The following CNOT3 variants were observed in gnomAD, a reference collection of about 807,000 sequenced individuals.
CNOT3 encodes the protein CCR4-NOT transcription complex subunit 3.
In CNOT3, 2 loss-of-function variants were observed where a neutral mutation model predicts 89.4. That is an observed-to-expected ratio of 0.02 (90% confidence interval 0.01 to 0.07). The LOEUF is 0.07. Among genes scored for constraint, CNOT3 ranks in the 10% least tolerant of loss-of-function variants. The probability of loss-of-function intolerance (pLI) is 1.00; values close to 1 mark genes in which losing one functional copy is unlikely to be tolerated. For synonymous variants in CNOT3, 486 were observed against 402.0 expected (o/e 1.21, Z -2.50); for missense variants, 664 against 1,010.2 (o/e 0.66, Z 4.65).
At chr19:54,153,588 G>T in intron 16 of CNOT3, 127 bp from the exon 17 acceptor site, 1 of 796,310 alleles carries the variant, frequency 1.3e-6, no homozygotes, top group Non-Finnish European at 2.3e-6. Context: ...TCTCCAAGAG[G>T]ATTGTCCAGC....
At chr19:54,154,265 G>C in intron 17 of CNOT3, 1 of 345,202 alleles carries the variant, frequency 2.9e-6, no homozygotes, top group Non-Finnish European at 5.7e-6. Flanking sequence ...GCTCAGTGCG[G>C]AAACTATTTT....
At chr19:54,149,870 C>A in intron 13 of CNOT3, 112 bp downstream of exon 13, 1 of 1,106,120 alleles carries the variant, frequency 9.0e-7, no homozygotes, top group Non-Finnish European at 1.3e-6. Flanking sequence ...CTCTCTCTGG[C>A]TTTCTGTCCC....
chr19:54,145,709 G>A lies in CNOT3; in HGVS notation c.595G>A (p.Ala199Thr), dbSNP rs2074636948. 3.7e-6 allele frequency: 6 copies of A among 1,612,792 alleles called. No individual in the cohort carries two copies. Among genetic ancestry groups the A allele is most frequent in the African/African-American group, 1.3e-5 (1 of 75,018 alleles). Residue 199 changes from alanine (A) to threonine (T), a missense_variant, in exon 8 of 18, where the codon GCC becomes ACC. Coordinates refer to ENST00000221232, the MANE Select transcript of CNOT3 (RefSeq NM_014516.4). The surrounding 1 kb of genome is among the most constrained non-coding windows in gnomAD (Gnocchi z 5.9). ...GGACAATGACTCCATCCTCGTTGAC[G>A]CCATCCGCAAGATCAAGGACGACGT... ...MLDNDSILVD[A>T]IRKIKDDVEY...
intron 9 of CNOT3, among the ~76,000 whole-genome samples, chr19:54,146,256 A>G (rs1359217621): frequency 6.6e-6 from 1 of 152,178 alleles, no homozygotes; most frequent in Admixed American, 6.5e-5. Context: ...GCGCCAGTTT[A>G]GGTCCTGGAT....
rs1447982879 is a variant in CNOT3 at position 54,150,982 on chromosome 19, G to A, written c.1605+1224G>A. On this transcript the variant is annotated intron_variant, in intron 13 of 17. Transcript: ENST00000221232. ...ATTTTTATATTTTTAATAGAGATGGGGTTTTGCCATGTTGGTCAGGCAGGT... is the reference window on the plus strand; with the variant it reads ...ATTTTTATATTTTTAATAGAGATGGAGTTTTGCCATGTTGGTCAGGCAGGT... Among the ~76,000 whole-genome samples, 7 of 151,920 alleles carry A rather than the reference G, an allele frequency of 4.6e-5. 1 individual carries two copies. The highest frequency in any genetic ancestry group is 4.6e-4 in the Admixed American group (7 of 15,242).
chr19:54,154,089 C>T (rs1264918741), intron 17 of CNOT3: 8 of 691,024 alleles, frequency 1.2e-5, no homozygotes, highest in Non-Finnish European at 2.2e-5. Flanking sequence ...AGAAACCTTC[C>T]TGGAGCCACC....
chr19:54,148,864 A>G lies in CNOT3; in HGVS notation c.1406+121A>G, dbSNP rs2074864990. 3 of 819,960 alleles carry G rather than the reference A, an allele frequency of 3.7e-6. No individual in the cohort carries two copies. The highest frequency in any genetic ancestry group is 5.7e-5 in the Admixed American group (2 of 34,930). The allele number at this position is 819,960 out of a possible 1,614,324, so 50.8% of individuals were successfully genotyped here. The stretch of plus-strand genomic sequence containing the variant: ...CCGCCCTTGCTGCTGGGAATGGCCA[A>G]GCGCTATCCTCCATCTCCCTCGGGT... On this transcript the variant is annotated intron_variant, in intron 12 of 17. Coordinates refer to ENST00000221232, the MANE Select transcript of CNOT3 (RefSeq NM_014516.4). The surrounding 1 kb of genome is among the most constrained non-coding windows in gnomAD (Gnocchi z 6.3).
chr19:54,139,276 G>A (rs2074352070), intron 1 of CNOT3, among the ~76,000 whole-genome samples: 2 of 151,992 alleles, frequency 1.3e-5, no homozygotes, highest in South Asian at 4.1e-4. Context: ...CCTCCTTTAG[G>A]GTGTCAGCTC....
At position 54,149,480 on chromosome 19, in the gene CNOT3, C is replaced by T. The variant is rs2074924255; in HGVS notation, c.1407-80C>T. ...TCCCATCTGATCTGTGCAGTCTCCC[C>T]TCTCTCCAGCCAGGCCTCTCTGCCC... is the stretch of plus-strand genomic sequence containing the variant. On this transcript the variant is annotated intron_variant, in intron 12 of 17. Transcript: ENST00000221232. 3 of 851,492 alleles carry T rather than the reference C, an allele frequency of 3.5e-6. No individual in the cohort carries two copies. In the African/African-American group the frequency reaches 5.1e-5, roughly 15 times the overall value. 52.7% of individuals were successfully genotyped at this position (851,492 alleles called of 1,614,324 possible). A position where few individuals can be genotyped will look rare whatever the true frequency, so the allele number is the denominator to read the frequency against.
At chr19:54,141,907 C>T (rs2074464453) in intron 1 of CNOT3, 1 of 152,228 alleles carries the variant, frequency 6.6e-6, no homozygotes, top group Non-Finnish European at 1.5e-5. Context: ...CTCCCCTGGT[C>T]TCGCTGTCAG....
At chr19:54,140,246 C>G (rs1160681477) in intron 1 of CNOT3, among the ~76,000 whole-genome samples, 1 of 152,114 alleles carries the variant, frequency 6.6e-6, no homozygotes, top group Admixed American at 6.5e-5. Context: ...TCCTGCTCAC[C>G]TCCCCCCACC....
chr19:54,152,906 C>T lies in CNOT3; in HGVS notation c.1944C>T (p.Tyr648=), dbSNP rs2075205290. The T allele has an allele frequency of 1.3e-6, 2 of 1,586,404 alleles. No individual in the cohort carries two copies. The highest frequency in any genetic ancestry group is 1.8e-5 in the Admixed American group (1 of 56,626). ...LPRNPCPTPP[Y]HHQMPPPHSD... ...GGAACCCCTGTCCGACGCCCCCCTA[C>T]CACCACCAGATGCCACCCCCACACT... Residue 648 remains tyrosine, a synonymous_variant, in exon 16 of 18, where the codon TAC becomes TAT. Coordinates refer to ENST00000221232, the MANE Select transcript of CNOT3 (RefSeq NM_014516.4).
rs1468323163 is a variant in CNOT3, at chr19:54,155,095, G to GC, written c.2164-209dup. Reference sequence around the variant, plus strand: ...AGCTGGCTTCGGTGGAACCTCTGCGGCCCCCTCCGTTTCCTCCTCGCTGAA... The same window carrying GC: ...AGCTGGCTTCGGTGGAACCTCTGCGGCCCCCCTCCGTTTCCTCCTCGCTGAA... On this transcript the variant is annotated intron_variant, in intron 17 of 17. Coordinates refer to ENST00000221232, the MANE Select transcript of CNOT3 (RefSeq NM_014516.4). 1.8e-4 allele frequency: 106 copies of GC among 589,238 alleles called. No individual in the cohort carries two copies. The African/African-American group carries it at 1.9e-3, about 10-fold the overall frequency. The allele number at this position is 589,238 out of a possible 1,614,324, so 36.5% of individuals were successfully genotyped here.
In CNOT3 at chr19:54,145,952, T is replaced by C. The variant is rs1156363832; in HGVS notation, c.746T>C (p.Met249Thr). The C allele has an allele frequency of 6.2e-7, 1 of 1,613,720 alleles. No individual in the cohort carries two copies. Among genetic ancestry groups the C allele is most frequent in the Non-Finnish European group, 8.5e-7 (1 of 1,179,898 alleles). Reference sequence around the variant, plus strand: ...ACCTCCCCCCCCAGCCACAGCCACATGGAGGATGAGATCTTCAACCAGTCC... The same window carrying C: ...ACCTCCCCCCCCAGCCACAGCCACACGGAGGATGAGATCTTCAACCAGTCC... The part of the protein sequence containing the change: ...VATSPPSHSH[M>T]EDEIFNQSSS... The change falls in exon 9 of 18, where the codon ATG becomes ACG. Residue 249 changes from methionine (M) to threonine (T), a missense_variant. Coordinates refer to ENST00000221232, the MANE Select transcript of CNOT3 (RefSeq NM_014516.4). This position sits in a 1 kb window ranked among gnomAD's most constrained non-coding sequence, Gnocchi z 5.9.
intron 1 of CNOT3, chr19:54,142,646 G>C: frequency 1.9e-6 from 1 of 536,666 alleles, no homozygotes; most frequent in Non-Finnish European, 3.4e-6. Flanking sequence ...CTGGGGAGAA[G>C]GTACTCCATG....
At position 54,153,131 on chromosome 19, in the gene CNOT3, A is replaced by G. The variant is rs779555040; in HGVS notation, c.2037+132A>G. 9 of 774,244 alleles carry G rather than the reference A, an allele frequency of 1.2e-5. No homozygotes were observed. The South Asian group carries it at 1.3e-4, about 11-fold the overall frequency. The allele number at this position is 774,244 out of a possible 1,614,324, so 48.0% of individuals were successfully genotyped here. A position where few individuals can be genotyped will look rare whatever the true frequency, so the allele number is the denominator to read the frequency against. On this transcript the variant is annotated intron_variant, in intron 16 of 17. Transcript: ENST00000221232. ...GGGACCGCACCCCCTCCCTATTCCC[A>G]CTCCTGGGCCCCTGCCCCAAATCCA...
intron 2 of CNOT3, 23 bp downstream of exon 2, chr19:54,143,026 C>T: frequency 1.2e-6 from 2 of 1,613,892 alleles, no homozygotes; most frequent in Non-Finnish European, 1.7e-6. Flanking sequence ...CTTCCTGCTG[C>T]ACCTGTAGCC....
Position 54,152,274 on chromosome 19 carries a change from A to G in CNOT3, c.1654A>G (p.Ile552Val), listed in dbSNP as rs762040124. The G allele has an allele frequency of 3.7e-6, 6 of 1,614,144 alleles. No individual in the cohort carries two copies. In the South Asian group the frequency reaches 5.5e-5, roughly 15 times the overall value. The change falls in exon 14 of 18, where the codon ATC becomes GTC. Residue 552 changes from isoleucine (I) to valine (V), a missense_variant. Ile to Val is a conservative substitution (Grantham distance 29). Coordinates refer to ENST00000221232, the MANE Select transcript of CNOT3 (RefSeq NM_014516.4). ...SLKSMAERAA[I>V]SSGIEDPVPT... The stretch of plus-strand genomic sequence containing the variant: ...GAAGTCCATGGCGGAACGGGCAGCC[A>G]TCAGCTCTGGCATTGAGGACCCTGT...
intron 17 of CNOT3, chr19:54,154,980 C>CT: frequency 7.7e-6 from 3 of 387,768 alleles, no homozygotes; most frequent in Non-Finnish European, 1.4e-5. Flanking sequence ...GCTGTGCATC[C>CT]TGTACTCACG....
Sources: allele counts gnomAD v4.1 joint callset (sites outside exome capture counted in the v4.1 genomes callset), GRCh38; gene constraint gnomAD v4.1.1; non-coding constraint Gnocchi (gnomAD v3.1); transcripts MANE v1.5; gene names NCBI Gene and HGNC (gene_info 2026-07-23, HGNC 2026-07-21).